ASXL2: variants seen among roughly 807,000 people sequenced by gnomAD.
ASXL2 encodes ASXL transcriptional regulator 2.
ASXL2 carries 23 observed loss-of-function variants against 122.0 expected under a neutral mutation model. That is an observed-to-expected ratio of 0.19 (90% CI 0.14 to 0.27). The LOEUF (loss-of-function observed/expected upper bound fraction) is 0.27, where lower values mean the gene tolerates loss of function less well. ASXL2 is among the 10% of genes least tolerant of loss of function. ASXL2 has a pLI of 1.00. For missense variants in ASXL2, 1,518 were observed against 1,713.8 expected, an observed-to-expected ratio of 0.89 and a Z score of 2.02; for synonymous variants, 650 against 637.0, an observed-to-expected ratio of 1.02 and a Z score of -0.31.
intron 3 of ASXL2, among the ~76,000 whole-genome samples, chr2:25,832,890 G>T (rs917775076): frequency 1.3e-5 from 2 of 152,156 alleles, no homozygotes; most frequent in Non-Finnish European, 2.9e-5. Flanking sequence ...TAACTTGGAG[G>T]ACTCTCCAGA....
At position 25,822,700 on chromosome 2, in the gene ASXL2, G is replaced by A. The variant is rs2089327168; in HGVS notation, c.143+12838C>T. ...GACAGATCAATTGTATGTTGTTTAC[G>A]AAAAGGAGAATCTGGCCAGTCATAG... On this transcript the variant is annotated intron_variant, in intron 3 of 12. Transcript: ENST00000435504. 5 of 714,900 alleles carry A rather than the reference G, an allele frequency of 7.0e-6. No homozygotes were observed. The Admixed American group carries it at 7.5e-5, about 11-fold the overall frequency. 44.3% of individuals were successfully genotyped at this position (714,900 alleles called of 1,614,324 possible).
At position 25,788,174 on chromosome 2, in the gene ASXL2, A is replaced by G. The variant is rs1337419721; in HGVS notation, c.403+11211T>C. Among the ~76,000 whole-genome samples the G allele has an allele frequency of 2.6e-5, 4 of 152,252 alleles. No homozygotes were observed. The East Asian group carries it at 7.7e-4, about 29-fold the overall frequency. ...TAAGATATCCCTACGGGGTGAAAGG[A>G]ATAAAATGATGATCCTCATCTCACA... On this transcript the variant is annotated intron_variant, in intron 5 of 12. Transcript: ENST00000435504.
intron 5 of ASXL2, among the ~76,000 whole-genome samples, chr2:25,788,323 T>C (rs1411143386): frequency 4.6e-5 from 7 of 152,252 alleles, no homozygotes; most frequent in South Asian, 2.1e-4. Context: ...TGTGTGTATA[T>C]AGTATTTTCA....
chr2:25,850,421 G>T (rs570614180), intron 1 of ASXL2, among the ~76,000 whole-genome samples: 2 of 152,204 alleles, frequency 1.3e-5, no homozygotes, highest in South Asian at 4.1e-4. Context: ...CTGTATTGTA[G>T]TTACACACAT....
intron 5 of ASXL2, among the ~76,000 whole-genome samples, chr2:25,798,922 A>G (rs2088951852): frequency 6.6e-6 from 1 of 152,212 alleles, no homozygotes; most frequent in Non-Finnish European, 1.5e-5. Context: ...TACTCTCCCA[A>G]CAGTAAATTC....
intron 8 of ASXL2, among the ~76,000 whole-genome samples, chr2:25,762,607 G>C (rs1307702874): frequency 2.1e-5 from 3 of 142,134 alleles, no homozygotes; most frequent in Admixed American, 1.5e-4. Flanking sequence ...AGAGGTTGCA[G>C]TGACCCGAGA....
chr2:25,756,658 T>C (rs2088141047), intron 9 of ASXL2, among the ~76,000 whole-genome samples: 1 of 152,204 alleles, frequency 6.6e-6, no homozygotes, highest in Non-Finnish European at 1.5e-5. Context: ...ACAGCAGAAA[T>C]TGGTAAACCT....
chr2:25,837,855 G>A (rs1486008116), intron 2 of ASXL2, among the ~76,000 whole-genome samples: 1 of 149,614 alleles, frequency 6.7e-6, no homozygotes, highest in East Asian at 2.0e-4. Context: ...AGTGGCTCAT[G>A]CCTGTAAACC....
At chr2:25,779,582 A>G (rs977270600) in intron 5 of ASXL2, among the ~76,000 whole-genome samples, 5 of 152,088 alleles carry the variant, frequency 3.3e-5, no homozygotes, top group Non-Finnish European at 7.4e-5. Context: ...AAAAGGGGGG[A>G]AAAGGGTTTA....
intron 2 of ASXL2, among the ~76,000 whole-genome samples, chr2:25,842,103 ACT>A (rs1197490495): frequency 6.6e-6 from 1 of 150,682 alleles, no homozygotes; most frequent in Non-Finnish European, 1.5e-5. Flanking sequence ...CAAGAGCAAA[ACT>A]CTGTCTCAAA....
At chr2:25,772,729 CAAAAAAAAAAAAAAAAA>C (rs70950119) in intron 5 of ASXL2, among the ~76,000 whole-genome samples, 1 of 58,940 alleles carries the variant, frequency 1.7e-5, no homozygotes, top group African/African-American at 6.5e-5. Context: ...AACTTGGTCT[CAAAAAAAAAAAAAAAAA>C]AAAAAAAAAA....
At chr2:25,836,140 G>A (rs979552692) in intron 2 of ASXL2, among the ~76,000 whole-genome samples, 2 of 152,148 alleles carry the variant, frequency 1.3e-5, no homozygotes, top group Admixed American at 6.6e-5. Flanking sequence ...GCCTCATGCC[G>A]AGGCCAAAGC....
chr2:25,744,844 A>C lies in ASXL2; in HGVS notation c.1861-368T>G, dbSNP rs1432635069. ...ATTTATGTTTGAGAAAGAAGAGAAA[A>C]GCAAGCAAGCCAGCCACCCATACCA... On this transcript the variant is annotated intron_variant, in intron 12 of 12. Coordinates refer to ENST00000435504, the MANE Select transcript of ASXL2 (RefSeq NM_018263.6). The surrounding 1 kb of genome is among the most constrained non-coding windows in gnomAD (Gnocchi z 4.7). 6.6e-6 allele frequency among the ~76,000 whole-genome samples: 1 copy of C among 152,130 alleles called. No homozygotes were observed. The highest frequency in any genetic ancestry group is 1.5e-5 in the Non-Finnish European group (1 of 68,022).
intron 10 of ASXL2, 23 bp downstream of exon 10, chr2:25,755,995 G>T: frequency 6.3e-7 from 1 of 1,586,946 alleles, no homozygotes; most frequent in Non-Finnish European, 8.7e-7. Context: ...CCACCTGGGA[G>T]ACACATTAAG....
chr2:25,795,933 A>G (rs1157284628), intron 5 of ASXL2, among the ~76,000 whole-genome samples: 1 of 152,184 alleles, frequency 6.6e-6, no homozygotes, highest in Non-Finnish European at 1.5e-5. Flanking sequence ...ACAGGGATTA[A>G]TTTAAAACCA....
chr2:25,777,798 A>G, intron 5 of ASXL2, among the ~76,000 whole-genome samples: 1 of 152,160 alleles, frequency 6.6e-6, no homozygotes, highest in East Asian at 1.9e-4. Context: ...CTCTTAGGGT[A>G]GTTTTCTTTC....
intron 1 of ASXL2, among the ~76,000 whole-genome samples, chr2:25,855,419 A>G (rs1312241910): frequency 6.6e-6 from 1 of 152,182 alleles, no homozygotes; most frequent in African/African-American, 2.4e-5. Flanking sequence ...CTGTAATCTC[A>G]GCACTTTGGA....
intron 4 of ASXL2, among the ~76,000 whole-genome samples, 159 bp downstream of exon 4, chr2:25,806,070 A>G (rs1436872447): frequency 1.3e-5 from 2 of 152,214 alleles, no homozygotes; most frequent in Admixed American, 6.5e-5. Flanking sequence ...TTAGTTATAG[A>G]TTAGTTTTTA....
At chr2:25,825,600 C>G (rs1459489699) in intron 3 of ASXL2, among the ~76,000 whole-genome samples, 3 of 152,176 alleles carry the variant, frequency 2.0e-5, no homozygotes, top group Non-Finnish European at 4.4e-5. Flanking sequence ...TTCATCCATG[C>G]TGCAGCAGGT....
Sources: allele counts gnomAD v4.1 joint callset (sites outside exome capture counted in the v4.1 genomes callset), GRCh38; gene constraint gnomAD v4.1.1; non-coding constraint Gnocchi (gnomAD v3.1); transcripts MANE v1.5; gene names NCBI Gene and HGNC (gene_info 2026-07-23, HGNC 2026-07-21).